The following OSBPL1A variants were observed in gnomAD, a reference collection of about 807,000 sequenced individuals.
OSBPL1A encodes oxysterol binding protein like 1A.
In OSBPL1A, 80 loss-of-function variants were observed where a neutral mutation model predicts 137.1. The ratio of observed to expected loss-of-function variants is 0.58; its 90% CI spans 0.49 to 0.70. The LOEUF (loss-of-function observed/expected upper bound fraction) is 0.70, where lower values mean the gene tolerates loss of function less well. OSBPL1A is among the 30% of genes least tolerant of loss of function. OSBPL1A has a pLI of 0.00. For missense variants in OSBPL1A, 970 were observed against 1,129.4 expected, an observed-to-expected ratio of 0.86 and a Z score of 2.02; for synonymous variants, 365 against 389.7, an observed-to-expected ratio of 0.94 and a Z score of 0.75.
At chr18:24,220,069 C>T (rs2087837660) in intron 17 of OSBPL1A, among the ~76,000 whole-genome samples, 1 of 152,166 alleles carries the variant, frequency 6.6e-6, no homozygotes, top group Non-Finnish European at 1.5e-5. Context: ...TAATGAGTGG[C>T]CTGCTGGCTT....
intron 1 of OSBPL1A, among the ~76,000 whole-genome samples, chr18:24,385,097 G>A (rs1343460124): frequency 1.3e-5 from 2 of 151,676 alleles, no homozygotes; most frequent in African/African-American, 2.4e-5. Context: ...TGGGACTACA[G>A]GCGCCCGCCA....
At chr18:24,360,046 C>T (rs2091598422) in intron 4 of OSBPL1A, among the ~76,000 whole-genome samples, 1 of 152,198 alleles carries the variant, frequency 6.6e-6, no homozygotes, top group Non-Finnish European at 1.5e-5. Context: ...CGGCTCACTG[C>T]AACCTCCGCC....
intron 4 of OSBPL1A, among the ~76,000 whole-genome samples, chr18:24,360,858 C>A (rs2091610725): frequency 6.6e-6 from 1 of 152,130 alleles, no homozygotes; most frequent in South Asian, 2.1e-4. Flanking sequence ...GGCCTGGATC[C>A]CCCTGTGCTC....
chr18:24,237,086 TAA>T lies in OSBPL1A; in HGVS notation c.1444+2132_1444+2133del, dbSNP rs147413513. ...TACACTGCTCCTTCCATTCATGACT[TAA>T]AAAAAAAATCTATATATATACACAA... On this transcript the variant is annotated intron_variant, in intron 16 of 27. Coordinates refer to ENST00000319481, the MANE Select transcript of OSBPL1A (RefSeq NM_080597.4). 4.7e-5 allele frequency among the ~76,000 whole-genome samples: 7 copies of T among 150,444 alleles called. No homozygotes were observed. In the South Asian group the frequency reaches 6.3e-4, roughly 14 times the overall value.
intron 14 of OSBPL1A, among the ~76,000 whole-genome samples, chr18:24,293,106 A>C: frequency 9.3e-6 from 1 of 108,016 alleles, no homozygotes; most frequent in South Asian, 2.7e-4. Flanking sequence ...TCCCGTCTCA[A>C]AAAAAAAAAA....
At chr18:24,319,436 C>T (rs1323430472) in intron 7 of OSBPL1A, among the ~76,000 whole-genome samples, 1 of 152,184 alleles carries the variant, frequency 6.6e-6, no homozygotes, top group South Asian at 2.1e-4. Flanking sequence ...ACGCTTCAGC[C>T]GTCTCGCTGC....
chr18:24,310,602 A>G (rs1197852291), intron 13 of OSBPL1A, among the ~76,000 whole-genome samples: 3 of 107,474 alleles, frequency 2.8e-5, no homozygotes, highest in Non-Finnish European at 5.4e-5. Context: ...ACTCCGTCTC[A>G]AAAAAAAAAA....
chr18:24,209,497 A>T (rs965948061), intron 17 of OSBPL1A, among the ~76,000 whole-genome samples: 1 of 152,234 alleles, frequency 6.6e-6, no homozygotes, highest in Non-Finnish European at 1.5e-5. Context: ...ACAAAGCTAA[A>T]CACACATCTC....
chr18:24,260,062 A>G (rs2089405284), intron 15 of OSBPL1A, among the ~76,000 whole-genome samples: 1 of 152,208 alleles, frequency 6.6e-6, no homozygotes, highest in Admixed American at 6.5e-5. Context: ...ACAGCCAGTA[A>G]GCACATGAAA....
chr18:24,382,127 G>T (rs961135407), intron 1 of OSBPL1A, among the ~76,000 whole-genome samples: 1 of 149,868 alleles, frequency 6.7e-6, no homozygotes, highest in Non-Finnish European at 1.5e-5. Context: ...GAGGCTGGGC[G>T]CAGTGGCTCA....
intron 1 of OSBPL1A, among the ~76,000 whole-genome samples, chr18:24,396,666 T>C (rs1376964342): frequency 7.0e-6 from 1 of 142,358 alleles, no homozygotes; most frequent in Non-Finnish European, 1.5e-5. Flanking sequence ...TAAGAAATCT[T>C]CACAATTCCA....
chr18:24,231,570 A>C (rs1270290517), intron 16 of OSBPL1A, among the ~76,000 whole-genome samples: 1 of 152,206 alleles, frequency 6.6e-6, no homozygotes, highest in Non-Finnish European at 1.5e-5. Flanking sequence ...TTACAGGTGT[A>C]AGCCACTGCA....
intron 16 of OSBPL1A, among the ~76,000 whole-genome samples, chr18:24,237,137 A>G (rs1263077214): frequency 6.6e-6 from 1 of 152,170 alleles, no homozygotes; most frequent in Non-Finnish European, 1.5e-5. Context: ...TGATGCTCAA[A>G]AAAGGTCTGT....
intron 16 of OSBPL1A, 49 bp downstream of exon 16, chr18:24,239,171 G>A (rs2088598118): frequency 1.3e-6 from 2 of 1,593,428 alleles, no homozygotes; most frequent in South Asian, 1.1e-5. Flanking sequence ...TCATTTAGGT[G>A]GTGGACTCTA....
intron 17 of OSBPL1A, among the ~76,000 whole-genome samples, chr18:24,211,169 G>A (rs951421594): frequency 6.6e-6 from 1 of 151,986 alleles, no homozygotes; most frequent in African/African-American, 2.4e-5. Context: ...GTTTCACCAG[G>A]TTGGCCAGGC....
chr18:24,165,629 A>G (rs1050110996), intron 26 of OSBPL1A, among the ~76,000 whole-genome samples: 1 of 152,180 alleles, frequency 6.6e-6, no homozygotes, highest in African/African-American at 2.4e-5. Context: ...TGGCTCTATC[A>G]TAAGAGGCTG....
At chr18:24,384,034 G>C (rs1906782834) in intron 1 of OSBPL1A, among the ~76,000 whole-genome samples, 1 of 152,208 alleles carries the variant, frequency 6.6e-6, no homozygotes, top group African/African-American at 2.4e-5. Context: ...CAGAGGAGAA[G>C]GGGAGTGGCT....
intron 14 of OSBPL1A, among the ~76,000 whole-genome samples, chr18:24,292,036 G>A (rs2146087877): frequency 6.6e-6 from 1 of 152,326 alleles, no homozygotes; most frequent in Non-Finnish European, 1.5e-5. Flanking sequence ...AGTGAGCCAA[G>A]ATTGCGCCAC....
At chr18:24,239,139 G>A in intron 16 of OSBPL1A, 81 bp downstream of exon 16, 7 of 1,516,280 alleles carry the variant, frequency 4.6e-6, no homozygotes, top group Admixed American at 2.0e-5. Flanking sequence ...GCTCTAAGGT[G>A]GTGGACTCAA....
Sources: allele counts gnomAD v4.1 joint callset (sites outside exome capture counted in the v4.1 genomes callset), GRCh38; gene constraint gnomAD v4.1.1; transcripts MANE v1.5; gene names NCBI Gene and HGNC (gene_info 2026-07-23, HGNC 2026-07-21).